The following MGAT4C variants were observed in gnomAD, a reference collection of about 807,000 sequenced individuals.
MGAT4C encodes MGAT4 family member C.
Under a neutral mutation model 40.1 loss-of-function variants are expected in MGAT4C, and 19 were observed. The observed-to-expected ratio is 0.47, with a 90% CI of 0.33 to 0.70. The LOEUF is 0.70. Ranked by LOEUF, MGAT4C falls within the 30% of genes least tolerant of loss-of-function variation. The probability of loss-of-function intolerance (pLI) is 0.02; values close to 1 mark genes in which losing one functional copy is unlikely to be tolerated. For synonymous variants in MGAT4C, 181 were observed against 187.1 expected (o/e 0.97, Z 0.27); for missense variants, 491 against 563.2 (o/e 0.87, Z 1.30).
At chr12:86,504,964 ATTAG>A (rs935627660) in intron 2 of MGAT4C, among the ~76,000 whole-genome samples, 5 of 152,102 alleles carry the variant, frequency 3.3e-5, no homozygotes, top group East Asian at 1.9e-4. Context: ...TTTTTTATTA[ATTAG>A]TTAAAGGATA....
At chr12:86,621,472 A>T (rs1261961167) in intron 2 of MGAT4C, among the ~76,000 whole-genome samples, 1 of 151,994 alleles carries the variant, frequency 6.6e-6, no homozygotes, top group Non-Finnish European at 1.5e-5. Flanking sequence ...TGTTTGTTTG[A>T]TCGGTTGGCT....
intron 1 of MGAT4C, among the ~76,000 whole-genome samples, chr12:86,727,845 C>T (rs1427565520): frequency 6.6e-6 from 1 of 151,470 alleles, no homozygotes; most frequent in Non-Finnish European, 1.5e-5. Context: ...TATTCACAGC[C>T]ATTACTTGTA....
rs1046105797 is a variant in MGAT4C, at chr12:86,301,983, A to T, written c.-57+32082T>A. 2.8e-5 allele frequency among the ~76,000 whole-genome samples: 4 copies of T among 141,402 alleles called. 1 individual carries two copies. The highest frequency in any genetic ancestry group is 1.2e-4 in the African/African-American group (4 of 32,160). 92.8% of individuals were successfully genotyped at this position (141,402 alleles called of 152,430 possible). On this transcript the variant is annotated intron_variant, in intron 4 of 7. Coordinates refer to the MGAT4C transcript ENST00000548651. The stretch of plus-strand genomic sequence containing the variant: ...CCTGTGACTTCCTAAAGAGAAATTT[A>T]TGTATGTTCTGCATTGCTGCAATAT...
intron 2 of MGAT4C, among the ~76,000 whole-genome samples, chr12:86,451,798 C>T (rs1957428552): frequency 6.6e-6 from 1 of 152,120 alleles, no homozygotes; most frequent in Admixed American, 6.6e-5. Context: ...CACCCACTTA[C>T]TGAATTATTT....
intron 4 of MGAT4C, among the ~76,000 whole-genome samples, chr12:86,322,474 A>G (rs1954418845): frequency 6.6e-6 from 1 of 151,950 alleles, no homozygotes; most frequent in African/African-American, 2.4e-5. Context: ...TAATCTTAAC[A>G]GATTATAAGT....
intron 2 of MGAT4C, among the ~76,000 whole-genome samples, chr12:86,572,371 A>G (rs1047267329): frequency 1.3e-5 from 2 of 152,028 alleles, no homozygotes; most frequent in African/African-American, 4.8e-5. Context: ...CAGTCATACA[A>G]TCCTGTGGTT....
intron 4 of MGAT4C, among the ~76,000 whole-genome samples, chr12:86,283,380 T>C (rs1184088934): frequency 6.6e-6 from 1 of 151,950 alleles, no homozygotes; most frequent in Non-Finnish European, 1.5e-5. Context: ...AAATTATATA[T>C]TTATGTTATA....
chr12:86,315,629 C>T (rs889768809), intron 4 of MGAT4C, among the ~76,000 whole-genome samples: 1 of 152,110 alleles, frequency 6.6e-6, no homozygotes, highest in African/African-American at 2.4e-5. Flanking sequence ...TGGCATGAAC[C>T]CGGGAGGCGG....
chr12:86,154,622 G>A (rs1389886189), intron 1 of MGAT4C, among the ~76,000 whole-genome samples: 2 of 152,178 alleles, frequency 1.3e-5, no homozygotes, highest in South Asian at 2.1e-4. Flanking sequence ...TCTGCCCAAC[G>A]GAAATGGACC....
At chr12:86,765,991 T>A (rs1396189999) in intron 1 of MGAT4C, among the ~76,000 whole-genome samples, 1 of 152,140 alleles carries the variant, frequency 6.6e-6, no homozygotes, top group Non-Finnish European at 1.5e-5. Flanking sequence ...AACATCATAA[T>A]GACAGGATCA....
intron 2 of MGAT4C, among the ~76,000 whole-genome samples, chr12:86,539,119 C>T (rs535769181): frequency 1.3e-5 from 2 of 151,946 alleles, no homozygotes; most frequent in Admixed American, 6.6e-5. Context: ...TGGTGTGCTG[C>T]ACCCATTAAC....
intron 4 of MGAT4C, among the ~76,000 whole-genome samples, chr12:86,318,026 A>C (rs1239067497): frequency 6.6e-6 from 1 of 152,062 alleles, no homozygotes; most frequent in Non-Finnish European, 1.5e-5. Context: ...AACTCAAGGC[A>C]AAATAAGGCC....
At chr12:86,099,414 TTTTC>T (rs1430657962) in intron 1 of MGAT4C, among the ~76,000 whole-genome samples, 2 of 27,532 alleles carry the variant, frequency 7.3e-5, no homozygotes, top group Non-Finnish European at 1.7e-4. Flanking sequence ...CTTTCTTTCT[TTTTC>T]TTTTTCTTTT....
chr12:86,827,630 T>TTCCAA (rs1952833683), intron 1 of MGAT4C, among the ~76,000 whole-genome samples: 1 of 151,170 alleles, frequency 6.6e-6, no homozygotes, highest in East Asian at 2.0e-4. Flanking sequence ...GAAAGAAAAA[T>TTCCAA]GCCTTGGAAA....
At chr12:86,415,286 A>G (rs752661747) in intron 3 of MGAT4C, among the ~76,000 whole-genome samples, 1 of 152,014 alleles carries the variant, frequency 6.6e-6, no homozygotes, top group Non-Finnish European at 1.5e-5. Flanking sequence ...AATGACATGG[A>G]TATAAGACTT....
intron 1 of MGAT4C, among the ~76,000 whole-genome samples, chr12:86,219,744 T>C (rs1219576080): frequency 6.6e-6 from 1 of 152,150 alleles, no homozygotes; most frequent in African/African-American, 2.4e-5. Flanking sequence ...TCAAAGGTAT[T>C]ACCAATTAAT....
At chr12:86,573,257 T>A (rs1960437674) in intron 2 of MGAT4C, among the ~76,000 whole-genome samples, 1 of 151,998 alleles carries the variant, frequency 6.6e-6, no homozygotes, top group Admixed American at 6.6e-5. Flanking sequence ...TTACTTGTGA[T>A]CATAATAACA....
chr12:86,763,772 T>C (rs187353057), intron 1 of MGAT4C, among the ~76,000 whole-genome samples: 3 of 152,116 alleles, frequency 2.0e-5, no homozygotes, highest in Admixed American at 2.0e-4. Flanking sequence ...TGACACATAA[T>C]AGTTGTTCTA....
chr12:86,355,904 T>C (rs1417741909), intron 3 of MGAT4C, among the ~76,000 whole-genome samples: 3 of 152,184 alleles, frequency 2.0e-5, no homozygotes, highest in Non-Finnish European at 2.9e-5. Flanking sequence ...ATAACTTTGC[T>C]GTTATAAAAG....
Sources: allele counts gnomAD v4.1 joint callset (sites outside exome capture counted in the v4.1 genomes callset), GRCh38; gene constraint gnomAD v4.1.1; transcripts MANE v1.5; gene names NCBI Gene and HGNC (gene_info 2026-07-23, HGNC 2026-07-21).